Variants in SYT16 observed in about 807,000 individuals in gnomAD.
SYT16 encodes synaptotagmin 16, also known as synaptotagmin-16.
Under a neutral mutation model 61.4 loss-of-function variants are expected in SYT16, and 42 were observed. The ratio of observed to expected loss-of-function variants is 0.68; its 90% confidence interval spans 0.53 to 0.89. The LOEUF is 0.89. Ranked by LOEUF, SYT16 falls within the 40% of genes least tolerant of loss-of-function variation. The probability of loss-of-function intolerance (pLI) is 0.00; values close to 1 mark genes in which losing one functional copy is unlikely to be tolerated. For missense variants in SYT16, 804 were observed against 807.3 expected (o/e 1.00, Z 0.05); for synonymous variants, 314 against 302.3 (o/e 1.04, Z -0.40).
At chr14:61,865,378 G>T in intron 1 of SYT16, 1 of 636,194 alleles carries the variant, frequency 1.6e-6, no homozygotes, top group Non-Finnish European at 2.9e-6. Context: ...AGAAGGGGCT[G>T]CTCTCCTCAT....
At chr14:61,988,611 G>A (rs977276076) in intron 2 of SYT16, among the ~76,000 whole-genome samples, 1 of 152,168 alleles carries the variant, frequency 6.6e-6, no homozygotes, top group East Asian at 1.9e-4. Flanking sequence ...GTTGGGTAGA[G>A]TTTAAAAATA....
rs76431411 is a variant in SYT16, at chr14:61,970,985, C to T, written c.-145+674C>T. ...TATTACTCTCCTTTTCCATACCCCA[C>T]GAGGTATGGGGCATGATGTACCTGG... On this transcript the variant is annotated intron_variant, in intron 2 of 7. Transcript: ENST00000683842. 8.9e-3 allele frequency among the ~76,000 whole-genome samples: 1,348 copies of T among 151,578 alleles called. 20 individuals carry two copies. The highest frequency in any genetic ancestry group is 0.031 in the African/African-American group (1,277 of 41,270).
chr14:61,993,140 T>G (rs1402249598), intron 2 of SYT16, among the ~76,000 whole-genome samples: 1 of 152,080 alleles, frequency 6.6e-6, no homozygotes, highest in African/African-American at 2.4e-5. Flanking sequence ...ATTCAGAGAT[T>G]TTGGGTTGCA....
intron 7 of SYT16, among the ~76,000 whole-genome samples, chr14:62,096,850 A>G (rs1170981961): frequency 6.6e-6 from 1 of 152,192 alleles, no homozygotes; most frequent in Non-Finnish European, 1.5e-5. Flanking sequence ...TTAGTAGCAC[A>G]TGTGACAAAT....
rs1212816066 is a variant in SYT16, at chr14:62,100,689, C to T, written c.1920C>T (p.His640=). Residue 640 remains histidine, a synonymous_variant, in exon 8 of 8, where the codon CAC becomes CAT. Transcript: ENST00000683842. ...AAGGCCAGCAGATCTGCAGATGGCA[C>T]ACTTTGCTGGAATCCTAGGTTTGCT... ...ETKGQQICRW[H]TLLES 6.8e-6 allele frequency: 11 copies of T among 1,613,256 alleles called. No individual in the cohort carries two copies. The highest frequency in any genetic ancestry group is 9.3e-6 in the Non-Finnish European group (11 of 1,179,454).
intron 1 of SYT16, among the ~76,000 whole-genome samples, chr14:61,877,032 C>T (rs1439302115): frequency 6.6e-6 from 1 of 152,190 alleles, no homozygotes; most frequent in Non-Finnish European, 1.5e-5. Flanking sequence ...CATCAGACCT[C>T]CTACCTTTCT....
intron 1 of SYT16, among the ~76,000 whole-genome samples, chr14:61,827,828 A>G (rs1249734658): frequency 1.3e-5 from 2 of 152,190 alleles, no homozygotes; most frequent in Non-Finnish European, 2.9e-5. Context: ...TTACCACCAT[A>G]TAAGTCCCTT....
intron 3 of SYT16, among the ~76,000 whole-genome samples, chr14:62,045,443 T>A (rs996043210): frequency 2.6e-5 from 4 of 152,170 alleles, no homozygotes; most frequent in Non-Finnish European, 4.4e-5. Context: ...TTTGTATTTT[T>A]CTTTTTTAAA....
Position 62,108,260 on chromosome 14 carries a change from G to A in SYT16, c.*7553G>A, listed in dbSNP as rs79268233. The A allele has an allele frequency of 1.6e-4, 24 of 152,210 alleles. No homozygotes were observed. Among genetic ancestry groups the A allele is most frequent in the Admixed American group, 1.3e-4 (2 of 15,292 alleles). 9.4% of individuals were successfully genotyped at this position (152,210 alleles called of 1,614,324 possible). On this transcript the variant is annotated 3_prime_UTR_variant, in exon 8 of 8. Transcript: ENST00000683842. ...TTCTACTAAACATGTCTTAGTCCAC[G>A]CAAATTAACTCAAAATCTTTGGTGG...
intron 3 of SYT16, among the ~76,000 whole-genome samples, chr14:62,046,033 C>A (rs904442363): frequency 6.6e-6 from 1 of 152,196 alleles, no homozygotes; most frequent in Non-Finnish European, 1.5e-5. Context: ...GCCACACTGA[C>A]TTCCACAGGG....
chr14:61,879,623 C>G (rs1364168792), intron 1 of SYT16, among the ~76,000 whole-genome samples: 2 of 152,200 alleles, frequency 1.3e-5, no homozygotes, highest in African/African-American at 4.8e-5. Context: ...TCCCACCCTC[C>G]TGGCGGGAGC....
Position 61,924,179 on chromosome 14 carries a change from G to A in SYT16, c.-324-45953G>A, listed in dbSNP as rs907507508. Among the ~76,000 whole-genome samples, 22 of 152,264 alleles carry A rather than the reference G, an allele frequency of 1.4e-4. 1 individual carries two copies. Among genetic ancestry groups the A allele is most frequent in the Non-Finnish European group, 2.2e-4 (15 of 68,020 alleles). ...GTTACTCCCAGCACTGTGCTAGGGG[G>A]CATGGAGAGATACAAAAGGTGGGGT... On this transcript the variant is annotated intron_variant, in intron 1 of 7. Transcript: ENST00000683842.
intron 3 of SYT16, among the ~76,000 whole-genome samples, chr14:62,069,319 G>T (rs1023656824): frequency 5.3e-5 from 8 of 152,188 alleles, no homozygotes; most frequent in South Asian, 2.1e-4. Context: ...CAGCAGGGCT[G>T]CCTGGCTCAA....
chr14:61,938,239 T>C (rs1233452949), intron 1 of SYT16, among the ~76,000 whole-genome samples: 1 of 152,202 alleles, frequency 6.6e-6, no homozygotes, highest in Non-Finnish European at 1.5e-5. Context: ...CCCTGGTGTT[T>C]ATTGAATGAT....
intron 3 of SYT16, among the ~76,000 whole-genome samples, chr14:62,022,927 A>C (rs1428091823): frequency 2.0e-5 from 3 of 152,142 alleles, no homozygotes; most frequent in African/African-American, 7.2e-5. Flanking sequence ...CTACATCTCT[A>C]TTTAAATATT....
intron 2 of SYT16, among the ~76,000 whole-genome samples, chr14:61,991,950 GTTCATTCATTCA>G (rs75057544): frequency 3.0e-4 from 45 of 149,278 alleles, no homozygotes; most frequent in East Asian, 1.4e-3. Flanking sequence ...AACTTTGTTC[GTTCATTCATTCA>G]TTCATTCATT....
At position 62,075,230 on chromosome 14, in the gene SYT16, G is replaced by C; in HGVS notation, c.832G>C (p.Gly278Arg). 1 of 1,613,814 alleles carries C rather than the reference G, an allele frequency of 6.2e-7. No individual in the cohort carries two copies. Among genetic ancestry groups the C allele is most frequent in the Non-Finnish European group, 8.5e-7 (1 of 1,179,786 alleles). The change falls in exon 5 of 8, where the codon GGG (glycine) becomes CGG (arginine). Residue 278 changes from glycine (G) to arginine (R), a missense_variant. Physicochemically the swap from Gly to Arg is moderately radical, Grantham distance 125. Transcript: ENST00000683842. ...TCACTCACAGTCCCCATGTGAAAGA[G>C]GGGATGCCAAACACCACGGCACATC... The part of the protein sequence containing the change: ...PAHSQSPCER[G>R]DAKHHGTSHQ...
At chr14:61,827,142 G>T (rs1381962611) in intron 1 of SYT16, among the ~76,000 whole-genome samples, 1 of 152,220 alleles carries the variant, frequency 6.6e-6, no homozygotes, top group African/African-American at 2.4e-5. Flanking sequence ...CTTAGGAAGG[G>T]AATAGTCCTC....
intron 1 of SYT16, among the ~76,000 whole-genome samples, chr14:61,945,855 CAAAAAAAAAAAAA>C (rs60917584): frequency 3.4e-4 from 22 of 64,514 alleles, no homozygotes; most frequent in Middle Eastern, 0.033. Flanking sequence ...GACTCCGTCT[CAAAAAAAAAAAAA>C]AAAAAAAAAA....
Sources: allele counts gnomAD v4.1 joint callset (sites outside exome capture counted in the v4.1 genomes callset), GRCh38; gene constraint gnomAD v4.1.1; transcripts MANE v1.5; gene names NCBI Gene and HGNC (gene_info 2026-07-23, HGNC 2026-07-21).